The following OSBPL3 variants were observed in gnomAD, a reference collection of about 807,000 sequenced individuals.
OSBPL3 encodes the protein oxysterol binding protein like 3, also known as oxysterol-binding protein-related protein 3.
Under a neutral mutation model 120.1 loss-of-function variants are expected in OSBPL3, and 65 were observed. The ratio of observed to expected loss-of-function variants is 0.54; its 90% confidence interval spans 0.44 to 0.67. The LOEUF is 0.67. Ranked by LOEUF, OSBPL3 falls within the 30% of genes least tolerant of loss-of-function variation. The probability of loss-of-function intolerance (pLI) is 0.00; values close to 1 mark genes in which losing one functional copy is unlikely to be tolerated. For missense variants in OSBPL3, 1,004 were observed against 1,082.1 expected, an observed-to-expected ratio of 0.93 and a Z score of 1.01; for synonymous variants, 416 against 402.6, an observed-to-expected ratio of 1.03 and a Z score of -0.40.
At chr7:24,839,470 C>G (rs1797420982) in intron 14 of OSBPL3, among the ~76,000 whole-genome samples, 1 of 152,146 alleles carries the variant, frequency 6.6e-6, no homozygotes, top group Non-Finnish European at 1.5e-5. Flanking sequence ...TGGGATCAAC[C>G]AGTAATAAAG....
In OSBPL3 at chr7:24,912,063, C is replaced by A. The variant is rs146782395; in HGVS notation, c.-149-19442G>T. Among the ~76,000 whole-genome samples, 2 of 152,262 alleles carry A rather than the reference C, an allele frequency of 1.3e-5. No homozygotes were observed. Among genetic ancestry groups the A allele is most frequent in the Non-Finnish European group, 2.9e-5 (2 of 68,014 alleles). On this transcript the variant is annotated intron_variant, in intron 1 of 22. Coordinates refer to ENST00000313367, the MANE Select transcript of OSBPL3 (RefSeq NM_015550.4). The surrounding 1 kb of genome is among the most constrained non-coding windows in gnomAD (Gnocchi z 4.5). Reference sequence around the variant, plus strand: ...TGTTTTTGTTTTTTCTTAATTGACACGGTAGGTAGTAGGTTATTTGTTTAT... The same window carrying A: ...TGTTTTTGTTTTTTCTTAATTGACAAGGTAGGTAGTAGGTTATTTGTTTAT...
chr7:24,963,123 G>A (rs760244492), intron 1 of OSBPL3, among the ~76,000 whole-genome samples: 2 of 152,118 alleles, frequency 1.3e-5, no homozygotes, highest in Non-Finnish European at 2.9e-5. Flanking sequence ...CTAATACCAG[G>A]TTGATTGGGC....
rs1276138528 is a variant in OSBPL3, at chr7:24,972,575, C to A, written c.-150+7311G>T. 6.6e-6 allele frequency among the ~76,000 whole-genome samples: 1 copy of A among 152,190 alleles called. No individual in the cohort carries two copies. Among genetic ancestry groups the A allele is most frequent in the Non-Finnish European group, 1.5e-5 (1 of 68,022 alleles). On this transcript the variant is annotated intron_variant, in intron 1 of 22. Coordinates refer to ENST00000313367, the MANE Select transcript of OSBPL3 (RefSeq NM_015550.4). This position sits in a 1 kb window ranked among gnomAD's most constrained non-coding sequence, Gnocchi z 4.3. Reference sequence around the variant, plus strand: ...TCAATTCATCGCCACATCCCCTGCACCCAGCCTGGTGTCTGGCACATGGCA... The same window carrying A: ...TCAATTCATCGCCACATCCCCTGCAACCAGCCTGGTGTCTGGCACATGGCA...
rs10236168 is a variant in OSBPL3 at position 24,917,062 on chromosome 7, T to C, written c.-149-24441A>G. ...AGGGGGCTGCACCCATATTTGTAAC[T>C]ATATACAATTTGCTCTACCACAGAA... On this transcript the variant is annotated intron_variant, in intron 1 of 22. Transcript: ENST00000313367. Among the ~76,000 whole-genome samples the C allele has an allele frequency of 6.5e-3, 991 of 152,226 alleles. 9 individuals are homozygous for C. The highest frequency in any genetic ancestry group is 0.023 in the African/African-American group (952 of 41,518).
rs1371805266 is a variant in OSBPL3 at position 24,797,879 on chromosome 7, T to G, written c.*2304A>C. On this transcript the variant is annotated 3_prime_UTR_variant, in exon 23 of 23. Transcript: ENST00000313367. This position sits in a 1 kb window ranked among gnomAD's most constrained non-coding sequence, Gnocchi z 4.8. ...GTTTCTGTTTTCTTCCTCTTAAAAC[T>G]ATAAAATGTCCTAGAGACATACATT... 6.6e-6 allele frequency: 1 copy of G among 152,164 alleles called. No homozygotes were observed. The highest frequency in any genetic ancestry group is 1.5e-5 in the Non-Finnish European group (1 of 68,028). The allele number at this position is 152,164 out of a possible 1,614,324, so 9.4% of individuals were successfully genotyped here.
Position 24,800,187 on chromosome 7 carries a change from C to T in OSBPL3, c.2660G>A (p.Trp887Ter). 6.4e-7 allele frequency: 1 copy of T among 1,573,134 alleles called. No homozygotes were observed. The highest frequency in any genetic ancestry group is 8.8e-7 in the Non-Finnish European group (1 of 1,142,720). Residue 887 changes from tryptophan to a stop codon, truncating the protein, a stop_gained, in exon 23 of 23, where the codon TGG (tryptophan) becomes TAG (stop). Transcript: ENST00000313367. LOFTEE classifies it high-confidence loss of function. ...TTATCTTTCTTCTTTACTTTTTCAC[C>T]ATAAGACAGGATGGTCCAGTTTGGA... The part of the protein sequence containing the change: ...GFSKLDHPVL[W>*]
intron 5 of OSBPL3, among the ~76,000 whole-genome samples, chr7:24,868,446 A>G (rs1230967846): frequency 1.3e-5 from 2 of 151,568 alleles, no homozygotes; most frequent in Non-Finnish European, 3.0e-5. Flanking sequence ...ATATTAGGAC[A>G]CCGAGATTTA....
intron 22 of OSBPL3, 82 bp from the exon 23 acceptor site, chr7:24,800,361 C>A (rs1448019451): frequency 9.2e-6 from 7 of 761,700 alleles, no homozygotes; most frequent in African/African-American, 5.8e-5. Flanking sequence ...AACCTCCCTG[C>A]TTTCCCCATC....
At chr7:24,841,591 A>C (rs748202340) in intron 13 of OSBPL3, among the ~76,000 whole-genome samples, 1 of 147,096 alleles carries the variant, frequency 6.8e-6, no homozygotes, top group African/African-American at 2.5e-5. Context: ...GATACTTGGG[A>C]GGCTGAAGTA....
rs1809931100 is a variant in OSBPL3 at position 24,918,068 on chromosome 7, C to T, written c.-149-25447G>A. 3 of 985,100 alleles carry T rather than the reference C, an allele frequency of 3.0e-6. No homozygotes were observed. The highest frequency in any genetic ancestry group is 5.2e-4 in the Middle Eastern group (1 of 1,914). The allele number at this position is 985,100 out of a possible 1,614,324, so 61.0% of individuals were successfully genotyped here. On this transcript the variant is annotated intron_variant, in intron 1 of 22. Transcript: ENST00000313367. The surrounding 1 kb of genome is among the most constrained non-coding windows in gnomAD (Gnocchi z 4.3). The stretch of plus-strand genomic sequence containing the variant: ...TTACCTATAAAGGTTGGCTTATCCT[C>T]GACGCACATAATGACAAGCACAGGT...
chr7:24,879,554 C>G lies in OSBPL3; in HGVS notation c.97-7485G>C, dbSNP rs1343911217. ...ACCAAAAACACTGGTGCCTTCATTA[C>G]TTAGATAATGGGAGAATATTCATGC... On this transcript the variant is annotated intron_variant, in intron 2 of 22. Transcript: ENST00000313367. The surrounding 1 kb of genome is among the most constrained non-coding windows in gnomAD (Gnocchi z 5.6). Among the ~76,000 whole-genome samples, 3 of 152,154 alleles carry G rather than the reference C, an allele frequency of 2.0e-5. No individual in the cohort carries two copies. In the South Asian group the frequency reaches 6.2e-4, roughly 32 times the overall value.
chr7:24,907,066 G>A (rs915125452), intron 1 of OSBPL3, among the ~76,000 whole-genome samples: 2 of 152,042 alleles, frequency 1.3e-5, no homozygotes, highest in African/African-American at 4.8e-5. Flanking sequence ...GCCCCCAGTA[G>A]TGTAGATTCT....
rs1812706879 is a variant in OSBPL3 at position 24,938,716 on chromosome 7, A to G, written c.-150+41170T>C. ...ATACTCCTAAATAACATACACAGGC[A>G]AGACCTTAGTCACACGGCCATACCT... On this transcript the variant is annotated intron_variant, in intron 1 of 22. Coordinates refer to ENST00000313367, the MANE Select transcript of OSBPL3 (RefSeq NM_015550.4). The surrounding 1 kb of genome is among the most constrained non-coding windows in gnomAD (Gnocchi z 5.8). Among the ~76,000 whole-genome samples the G allele has an allele frequency of 1.3e-5, 2 of 151,836 alleles. No homozygotes were observed. Among genetic ancestry groups the G allele is most frequent in the Non-Finnish European group, 2.9e-5 (2 of 67,960 alleles).
chr7:24,824,341 T>C lies in OSBPL3; in HGVS notation c.1885-4103A>G, dbSNP rs117834717. 6.8e-4 allele frequency among the ~76,000 whole-genome samples: 103 copies of C among 152,336 alleles called. No homozygotes were observed. The highest frequency in any genetic ancestry group is 1.3e-3 in the Non-Finnish European group (90 of 68,030). On this transcript the variant is annotated intron_variant, in intron 16 of 22. Coordinates refer to ENST00000313367, the MANE Select transcript of OSBPL3 (RefSeq NM_015550.4). This position sits in a 1 kb window ranked among gnomAD's most constrained non-coding sequence, Gnocchi z 4.9. ...ATTTATGCTTTGAATGCACTTTATA[T>C]AAGAGGTCAGGGGAGAAGCAGATAG...
intron 1 of OSBPL3, among the ~76,000 whole-genome samples, chr7:24,935,485 T>G (rs2522249): frequency 0.047 from 7,210 of 152,180 alleles, 391 homozygotes; most frequent in East Asian, 0.23. Context: ...GATACAGAAT[T>G]GTCCATCACC....
intron 1 of OSBPL3, among the ~76,000 whole-genome samples, chr7:24,901,035 A>G (rs113871764): frequency 0.035 from 5,276 of 149,408 alleles, 119 homozygotes; most frequent in Non-Finnish European, 0.055. Flanking sequence ...AAAAAAAAAA[A>G]AGAGAGAGAG....
rs564104823 is a variant in OSBPL3, at chr7:24,922,693, G to C, written c.-149-30072C>G. Among the ~76,000 whole-genome samples, 1 of 152,158 alleles carries C rather than the reference G, an allele frequency of 6.6e-6. No homozygotes were observed. The highest frequency in any genetic ancestry group is 1.9e-4 in the East Asian group (1 of 5,182). On this transcript the variant is annotated intron_variant, in intron 1 of 22. Transcript: ENST00000313367. The surrounding 1 kb of genome is among the most constrained non-coding windows in gnomAD (Gnocchi z 4.3). ...TGGTCCTCAGTCTGACCTCATTCTA[G>C]CCTGACCACCTGCTTCACAGCCTTG...
chr7:24,961,220 T>C (rs1815699114), intron 1 of OSBPL3, among the ~76,000 whole-genome samples: 1 of 152,222 alleles, frequency 6.6e-6, no homozygotes, highest in Admixed American at 6.5e-5. Flanking sequence ...TTAATAAAGA[T>C]GGTCTTTTGG....
At position 24,955,612 on chromosome 7, in the gene OSBPL3, C is replaced by T. The variant is rs923636662; in HGVS notation, c.-150+24274G>A. Among the ~76,000 whole-genome samples the T allele has an allele frequency of 1.3e-5, 2 of 152,152 alleles. No homozygotes were observed. The highest frequency in any genetic ancestry group is 4.8e-5 in the African/African-American group (2 of 41,416). On this transcript the variant is annotated intron_variant, in intron 1 of 22. Transcript: ENST00000313367. This position sits in a 1 kb window ranked among gnomAD's most constrained non-coding sequence, Gnocchi z 4.3. ...GTCACCTTATCAGAGAGGCCTTTGG[C>T]CATTTCTATGTAAAATCAAACAGCA...
Sources: gnomAD v4.1 joint callset for allele counts (sites outside exome capture counted in the v4.1 genomes callset) on GRCh38, gnomAD v4.1.1 for gene constraint, Gnocchi (gnomAD v3.1) non-coding constraint, MANE v1.5 for transcripts, NCBI Gene and HGNC (gene_info 2026-07-23, HGNC 2026-07-21) for gene names.